Variants in CLVS1 observed in about 807,000 individuals in gnomAD.
CLVS1 encodes clavesin-1.
A neutral mutation model predicts 33.1 loss-of-function variants in CLVS1; 10 were observed. That is an observed-to-expected ratio of 0.30 (90% CI 0.19 to 0.51). CLVS1 has a LOEUF of 0.51. Among genes scored for constraint, CLVS1 ranks in the 20% least tolerant of loss-of-function variants. The pLI, the probability that CLVS1 is intolerant of heterozygous loss-of-function variation, is 0.97. For missense variants in CLVS1, 343 were observed against 433.4 expected (o/e 0.79, Z 1.85); for synonymous variants, 163 against 166.1 (o/e 0.98, Z 0.14).
chr8:61,500,917 T>TATTA lies in CLVS1; in HGVS notation c.*1376_*1379dup. On this transcript the variant is annotated 3_prime_UTR_variant, in exon 6 of 6. Transcript: ENST00000325897. ...TGGTCATAATCACCCCTGATAATATTATTACTAATCTTAATTATTTATTAC... is the reference window on the plus strand; with the variant it reads ...TGGTCATAATCACCCCTGATAATATTATTAATTACTAATCTTAATTATTTATTAC... 6.6e-6 allele frequency: 1 copy of TATTA among 152,328 alleles called. No individual in the cohort carries two copies. The highest frequency in any genetic ancestry group is 1.5e-5 in the Non-Finnish European group (1 of 68,024). The allele number at this position is 152,328 out of a possible 1,614,324, so 9.4% of individuals were successfully genotyped here.
chr8:61,363,124 A>G (rs1344039768), intron 2 of CLVS1, among the ~76,000 whole-genome samples: 1 of 152,146 alleles, frequency 6.6e-6, no homozygotes, highest in Non-Finnish European at 1.5e-5. Context: ...TCCCCTTTGG[A>G]AATTAAACTG....
intron 5 of CLVS1, among the ~76,000 whole-genome samples, chr8:61,481,398 G>A (rs969560946): frequency 9.2e-5 from 14 of 151,822 alleles, no homozygotes; most frequent in Non-Finnish European, 2.9e-5. Context: ...ATAGAGTGGG[G>A]CATCACCTCA....
chr8:61,085,728 C>CAAA (rs57456582), intron 1 of CLVS1, among the ~76,000 whole-genome samples: 7,810 of 114,814 alleles, frequency 0.068, 248 homozygotes, highest in Middle Eastern at 0.12. Context: ...CCATCCCTAC[C>CAAA]AAAAAAAAAA....
chr8:61,300,847 A>G (rs1401847701), intron 2 of CLVS1: 1 of 152,356 alleles, frequency 6.6e-6, no homozygotes, highest in Non-Finnish European at 1.5e-5. Context: ...TAGTCTCTCA[A>G]GCCAGAAATC....
the CLVS1 span, among the ~76,000 whole-genome samples, chr8:61,045,154 A>G: frequency 6.6e-6 from 1 of 152,230 alleles, no homozygotes; most frequent in Non-Finnish European, 1.5e-5. Context: ...CTGCTGCTAA[A>G]CATCAGATTT....
intron 1 of CLVS1, among the ~76,000 whole-genome samples, chr8:61,084,921 A>C (rs1805091776): frequency 6.6e-6 from 1 of 152,252 alleles, no homozygotes; most frequent in Admixed American, 6.5e-5. Flanking sequence ...CAGGTATAAG[A>C]TGTCTTAGAG....
intron 5 of CLVS1, among the ~76,000 whole-genome samples, chr8:61,477,800 C>A (rs1428936244): frequency 6.6e-6 from 1 of 152,178 alleles, no homozygotes; most frequent in Admixed American, 6.5e-5. Context: ...CTATGTCCTT[C>A]ATTTCTGCTC....
At chr8:61,195,470 C>G (rs1165385450) in intron 2 of CLVS1, among the ~76,000 whole-genome samples, 1 of 151,904 alleles carries the variant, frequency 6.6e-6, no homozygotes, top group African/African-American at 2.4e-5. Context: ...AAACAAACAG[C>G]TGGTGCTTGC....
intron 2 of CLVS1, among the ~76,000 whole-genome samples, chr8:61,337,515 A>G (rs1304240638): frequency 6.6e-6 from 1 of 152,114 alleles, no homozygotes; most frequent in East Asian, 1.9e-4. Context: ...CTGCCCCTCC[A>G]GGATTTCCGC....
intron 1 of CLVS1, among the ~76,000 whole-genome samples, chr8:61,081,139 G>A (rs1472943429): frequency 6.6e-6 from 1 of 152,148 alleles, no homozygotes; most frequent in Non-Finnish European, 1.5e-5. Context: ...AGACACTGAA[G>A]GTTTCTGAGG....
intron 2 of CLVS1, among the ~76,000 whole-genome samples, chr8:61,262,846 T>C (rs56006107): frequency 0.14 from 21,621 of 152,122 alleles, 3,164 homozygotes; most frequent in African/African-American, 0.38. Flanking sequence ...GATTCAGAGC[T>C]ACAGCAGCAA....
chr8:61,125,321 G>A (rs1805949109), intron 1 of CLVS1, among the ~76,000 whole-genome samples: 1 of 152,154 alleles, frequency 6.6e-6, no homozygotes, highest in African/African-American at 2.4e-5. Context: ...TGGTTTGGGG[G>A]TCAGGGGGAA....
chr8:61,251,691 T>A (rs1345606663), intron 2 of CLVS1, among the ~76,000 whole-genome samples: 1 of 152,168 alleles, frequency 6.6e-6, no homozygotes, highest in Non-Finnish European at 1.5e-5. Flanking sequence ...GTTTTCTAGT[T>A]TATTTGCATA....
chr8:61,326,591 C>A (rs1446125384), intron 2 of CLVS1, among the ~76,000 whole-genome samples: 1 of 152,128 alleles, frequency 6.6e-6, no homozygotes, highest in African/African-American at 2.4e-5. Context: ...AAGCCTCTAC[C>A]TCTGGGTAGG....
Position 61,300,018 on chromosome 8 carries a change from C to T in CLVS1, c.191C>T (p.Pro64Leu), listed in dbSNP as rs763236302. ...GTCAGGGACATGATCATCACCAGGC[C>T]TGACATTGGATTTTTACGTACAGAT... ...QQVRDMIITRPDIGFLRTDDA... is the reference protein window; with the variant it reads ...QQVRDMIITRLDIGFLRTDDA... Residue 64 changes from proline to leucine, a missense_variant, in exon 2 of 6, where the codon CCT becomes CTT. Pro to Leu is a moderately conservative substitution (Grantham distance 98, BLOSUM62 -3). Coordinates refer to ENST00000325897, the MANE Select transcript of CLVS1 (RefSeq NM_173519.3). 6 of 1,614,014 alleles carry T rather than the reference C, an allele frequency of 3.7e-6. No homozygotes were observed. Among genetic ancestry groups the T allele is most frequent in the Non-Finnish European group, 5.1e-6 (6 of 1,179,968 alleles).
intron 1 of CLVS1, among the ~76,000 whole-genome samples, chr8:61,089,650 G>T (rs1298451669): frequency 6.6e-6 from 1 of 152,166 alleles, no homozygotes; most frequent in Non-Finnish European, 1.5e-5. Context: ...TGGGCATGGC[G>T]GTTCACACCT....
chr8:61,391,060 A>G (rs1308809422), intron 3 of CLVS1: 1 of 151,656 alleles, frequency 6.6e-6, no homozygotes, highest in African/African-American at 2.4e-5. Flanking sequence ...TAAGTTAACT[A>G]TTTCTCTATG....
At chr8:61,129,307 G>A (rs1302138439) in intron 1 of CLVS1, among the ~76,000 whole-genome samples, 1 of 152,220 alleles carries the variant, frequency 6.6e-6, no homozygotes, top group Non-Finnish European at 1.5e-5. Flanking sequence ...CTTAGGTTGT[G>A]TAGTGATTAG....
At chr8:61,048,142 C>T in the CLVS1 span, among the ~76,000 whole-genome samples, 1 of 152,074 alleles carries the variant, frequency 6.6e-6, no homozygotes, top group Non-Finnish European at 1.5e-5. Context: ...GTTTAAATTG[C>T]AGTTGGACAA....
Sources: gnomAD v4.1 joint callset for allele counts (sites outside exome capture counted in the v4.1 genomes callset) on GRCh38, gnomAD v4.1.1 for gene constraint, MANE v1.5 for transcripts, NCBI Gene and HGNC (gene_info 2026-07-23, HGNC 2026-07-21) for gene names.